TGFBR3: variants seen among roughly 807,000 people sequenced by gnomAD.
TGFBR3 encodes the protein transforming growth factor beta receptor 3.
In TGFBR3, 46 loss-of-function variants were observed where a neutral mutation model predicts 87.9. The observed-to-expected ratio is 0.52, with a 90% confidence interval of 0.41 to 0.67. The LOEUF (loss-of-function observed/expected upper bound fraction) is 0.67, where lower values mean the gene tolerates loss of function less well. TGFBR3 is among the 30% of genes least tolerant of loss of function. The probability of loss-of-function intolerance (pLI) is 0.00; values close to 1 mark genes in which losing one functional copy is unlikely to be tolerated. For missense variants in TGFBR3, 866 were observed against 1,041.9 expected, an observed-to-expected ratio of 0.83 and a Z score of 2.32; for synonymous variants, 381 against 391.6, an observed-to-expected ratio of 0.97 and a Z score of 0.32.
intron 3 of TGFBR3, among the ~76,000 whole-genome samples, chr1:91,796,798 C>T (rs944081350): frequency 2.0e-5 from 3 of 152,156 alleles, no homozygotes; most frequent in African/African-American, 7.2e-5. Context: ...CTCACTCCAG[C>T]CTCGATTTCC....
intron 2 of TGFBR3, among the ~76,000 whole-genome samples, chr1:91,804,981 C>T (rs1675777151): frequency 6.6e-6 from 1 of 152,206 alleles, no homozygotes; most frequent in Non-Finnish European, 1.5e-5. Context: ...AAGAACACAC[C>T]TGAAAGCAAC....
intron 2 of TGFBR3, among the ~76,000 whole-genome samples, chr1:91,803,444 C>T (rs1675717845): frequency 6.6e-6 from 1 of 152,044 alleles, no homozygotes; most frequent in Non-Finnish European, 1.5e-5. Flanking sequence ...CCTTTGGGGC[C>T]ATGAGACAGA....
chr1:91,710,662 C>T (rs1671948810), intron 13 of TGFBR3, among the ~76,000 whole-genome samples: 1 of 152,184 alleles, frequency 6.6e-6, no homozygotes, highest in Non-Finnish European at 1.5e-5. Context: ...CTCATCCAAG[C>T]CTCTGCCAGA....
chr1:91,751,338 C>A (rs1274445257), intron 4 of TGFBR3, among the ~76,000 whole-genome samples: 1 of 152,138 alleles, frequency 6.6e-6, no homozygotes, highest in Non-Finnish European at 1.5e-5. Flanking sequence ...TTTGGACAGA[C>A]ACTACAACCC....
intron 1 of TGFBR3, among the ~76,000 whole-genome samples, chr1:91,879,407 C>T (rs1002600450): frequency 4.6e-5 from 7 of 152,064 alleles, no homozygotes; most frequent in African/African-American, 1.7e-4. Context: ...CATTAGGCTC[C>T]CTGCCCTGCC....
At chr1:91,881,046 T>C (rs1679063111) in intron 1 of TGFBR3, among the ~76,000 whole-genome samples, 1 of 151,336 alleles carries the variant, frequency 6.6e-6, no homozygotes, top group Non-Finnish European at 1.5e-5. Context: ...AGAAGGGAGG[T>C]AATTCAAAAT....
intron 2 of TGFBR3, among the ~76,000 whole-genome samples, chr1:91,814,325 C>T (rs982882113): frequency 2.3e-4 from 35 of 152,196 alleles, no homozygotes; most frequent in Admixed American, 1.3e-4. Flanking sequence ...GAAATGAAAT[C>T]GTTTCTTTGC....
In TGFBR3 at chr1:91,688,826, C is replaced by A. The variant is rs114615343; in HGVS notation, c.2438-4969G>T. 7.3e-3 allele frequency among the ~76,000 whole-genome samples: 1,117 copies of A among 151,982 alleles called. 13 individuals are homozygous for A. The highest frequency in any genetic ancestry group is 0.025 in the African/African-American group (1,052 of 41,460). On this transcript the variant is annotated intron_variant, in intron 16 of 16. Transcript: ENST00000212355. ...CGGGAGGTGCCAATGTGTTCAGAGG[C>A]CTGAGGTTTCTCCAGGTTCCCAAGT...
upstream of TGFBR3, among the ~76,000 whole-genome samples, chr1:91,886,871 A>G (rs931361000): frequency 4.7e-4 from 72 of 152,040 alleles, no homozygotes; most frequent in African/African-American, 1.6e-3. Context: ...GGTGGGCGCG[A>G]TATGAACGAC....
chr1:91,741,198 C>G (rs1673147538), intron 4 of TGFBR3, among the ~76,000 whole-genome samples: 1 of 152,244 alleles, frequency 6.6e-6, no homozygotes, highest in African/African-American at 2.4e-5. Context: ...GGCTATAAAT[C>G]ATAGGTTCCC....
chr1:91,723,472 C>A (rs1374179291), intron 7 of TGFBR3, among the ~76,000 whole-genome samples: 1 of 126,874 alleles, frequency 7.9e-6, no homozygotes, highest in South Asian at 2.9e-4. Context: ...CAGAGGGAGA[C>A]CCTGCCTTAA....
chr1:91,887,661 G>GTCC (rs1220170477), upstream of TGFBR3, among the ~76,000 whole-genome samples: 1 of 152,052 alleles, frequency 6.6e-6, no homozygotes, highest in Non-Finnish European at 1.5e-5. Flanking sequence ...AATATTTCTC[G>GTCC]TCCTCTTCCT....
chr1:91,727,165 A>C (rs889919047), intron 7 of TGFBR3, among the ~76,000 whole-genome samples: 4 of 152,228 alleles, frequency 2.6e-5, no homozygotes, highest in Non-Finnish European at 4.4e-5. Context: ...AAGACATGCC[A>C]ATATTTCGTA....
At chr1:91,897,911 G>A (rs1157724823) in intron 2 of TGFBR3, among the ~76,000 whole-genome samples, 1 of 151,834 alleles carries the variant, frequency 6.6e-6, no homozygotes, top group African/African-American at 2.4e-5. Flanking sequence ...ATTACAGCCG[G>A]GCATCATGGC....
chr1:91,725,216 T>A lies in TGFBR3; in HGVS notation c.885+2443A>T, dbSNP rs563024015. Among the ~76,000 whole-genome samples, 222 of 152,262 alleles carry A rather than the reference T, an allele frequency of 1.5e-3. 1 individual carries two copies. The highest frequency in any genetic ancestry group is 5.1e-3 in the African/African-American group (211 of 41,564). ...ACCATTTTGCCATCTGGAGGACACA[T>A]TCTGCCCATGCCCCACCCCCGACAC... On this transcript the variant is annotated intron_variant, in intron 7 of 16. Coordinates refer to ENST00000212355, the MANE Select transcript of TGFBR3 (RefSeq NM_003243.5).
intron 4 of TGFBR3, among the ~76,000 whole-genome samples, chr1:91,753,942 C>T (rs1673648094): frequency 1.3e-5 from 2 of 152,130 alleles, no homozygotes; most frequent in South Asian, 2.1e-4. Flanking sequence ...ATGTGTTTTG[C>T]TCAGTTTTCC....
chr1:91,826,070 A>G (rs1676622681), intron 2 of TGFBR3, among the ~76,000 whole-genome samples: 1 of 152,172 alleles, frequency 6.6e-6, no homozygotes, highest in South Asian at 2.1e-4. Flanking sequence ...AATTTGCTGA[A>G]ACCCATATTA....
intron 13 of TGFBR3, 54 bp from the exon 14 acceptor site, chr1:91,708,837 A>G: frequency 6.2e-7 from 1 of 1,604,412 alleles, no homozygotes; most frequent in East Asian, 2.3e-5. Context: ...AAGTGCCTTC[A>G]CCAGCTCTAC....
chr1:91,892,329 C>T (rs1423231814), intron 2 of TGFBR3, among the ~76,000 whole-genome samples: 1 of 149,018 alleles, frequency 6.7e-6, no homozygotes, highest in Non-Finnish European at 1.5e-5. Context: ...TCCTCAGCCC[C>T]ACCTCCACAA....
Sources: gnomAD v4.1 joint callset for allele counts (sites outside exome capture counted in the v4.1 genomes callset) on GRCh38, gnomAD v4.1.1 for gene constraint, MANE v1.5 for transcripts, NCBI Gene and HGNC (gene_info 2026-07-23, HGNC 2026-07-21) for gene names.